Variants in ZNF676 observed in about 807,000 individuals in gnomAD.
ZNF676 encodes zinc finger protein 676.
In ZNF676, 4 loss-of-function variants were observed where a neutral mutation model predicts 6.0. The ratio of observed to expected loss-of-function variants is 0.67; its 90% CI spans 0.33 to 1.53. The LOEUF is 1.53. Ranked by LOEUF, ZNF676 falls within the 40% of genes most tolerant of loss-of-function variation. The pLI is 0.06. For synonymous variants in ZNF676, 198 were observed against 223.1 expected, an observed-to-expected ratio of 0.89 and a Z score of 1.00; for missense variants, 644 against 679.7, an observed-to-expected ratio of 0.95 and a Z score of 0.58.
chr19:22,230,848 T>G, the ZNF676 span, among the ~76,000 whole-genome samples: 55,264 of 150,996 alleles, frequency 0.37, 10,316 homozygotes, highest in African/African-American at 0.42. Context: ...TTAGGAGAGA[T>G]GGCGTTTCAC....
chr19:22,218,799 A>C (rs1446364389), upstream of ZNF676, among the ~76,000 whole-genome samples: 2 of 152,060 alleles, frequency 1.3e-5, no homozygotes, highest in South Asian at 2.1e-4. Context: ...TGGTTTCACT[A>C]TTCTGTTTCA....
rs139242275 is a variant in ZNF676, at chr19:22,194,379, G to A, written c.35-1268C>T. ...ATGGCTCCTGTGAGATCCACACAAA[G>A]CTTGGGGAATTACCTTAAAGCTTGT... On this transcript the variant is annotated intron_variant, in intron 1 of 2. Coordinates refer to ENST00000397121, the MANE Select transcript of ZNF676 (RefSeq NM_001001411.3). Among the ~76,000 whole-genome samples the A allele has an allele frequency of 1.8e-4, 28 of 152,288 alleles. No individual in the cohort carries two copies. In the East Asian group the frequency reaches 4.4e-3, roughly 24 times the overall value.
chr19:22,180,664 G>A lies in ZNF676; in HGVS notation c.1053C>T (p.Ile351=), dbSNP rs373787022. The A allele has an allele frequency of 4.1e-4, 664 of 1,611,146 alleles. 3 individuals carry two copies. The African/African-American group carries it at 8.3e-3, about 20-fold the overall frequency. Residue 351 remains isoleucine, a synonymous_variant, in exon 3 of 3, where the codon ATC becomes ATT. Coordinates refer to ENST00000397121, the MANE Select transcript of ZNF676 (RefSeq NM_001001411.3). ...TATGAATAATCTTATGTTTAGTAAG[G>A]ATTGAGGATCGATTAAAAGCTTTCC... ...ECGKAFNRSS[I]LTKHKIIHTG... is the part of the protein sequence containing the mutation.
rs140672843 is a variant in ZNF676 at position 22,185,598 on chromosome 19, G to A, written c.131-4012C>T. ...ACAAACTCCTCCAAGCTAAAGGAGCGTGTTCTAACCCAATGCCAGGAAGCT... is the reference window on the plus strand; with the variant it reads ...ACAAACTCCTCCAAGCTAAAGGAGCATGTTCTAACCCAATGCCAGGAAGCT... On this transcript the variant is annotated intron_variant, in intron 2 of 2. Coordinates refer to ENST00000397121, the MANE Select transcript of ZNF676 (RefSeq NM_001001411.3). 5.0e-3 allele frequency among the ~76,000 whole-genome samples: 762 copies of A among 152,104 alleles called. 8 individuals carry two copies. Among genetic ancestry groups the A allele is most frequent in the Middle Eastern group, 0.017 (5 of 294 alleles).
rs1241350945 is a variant in ZNF676 at position 22,181,043 on chromosome 19, T to C, written c.674A>G (p.Tyr225Cys). ...HKVIHTGEKP[Y>C]KCEECGKAFN... ...AGCTTTGCCACATTCTTCACATTTG[T>C]AGGGTTTCTCTCCAGTATGAATTAC... The change falls in exon 3 of 3, where the codon TAC (tyrosine) becomes TGC (cysteine). Residue 225 changes from tyrosine (Y) to cysteine (C), a missense_variant. Around this residue, in one of 5 missense-constraint regions of ZNF676, gnomAD observed 280 missense variants for 269.3 expected, o/e 1.04. Coordinates refer to ENST00000397121, the MANE Select transcript of ZNF676 (RefSeq NM_001001411.3). The C allele has an allele frequency of 3.8e-6, 6 of 1,570,764 alleles. No homozygotes were observed. The Middle Eastern group carries it at 8.6e-4, about 224-fold the overall frequency.
chr19:22,187,598 A>T (rs1464437014), intron 2 of ZNF676, among the ~76,000 whole-genome samples: 3 of 151,934 alleles, frequency 2.0e-5, no homozygotes, highest in Non-Finnish European at 4.4e-5. Context: ...TTTCAAAAAG[A>T]TCAACAAAAT....
chr19:22,180,059 C>A lies in ZNF676; in HGVS notation c.1658G>T (p.Arg553Ile), dbSNP rs201300029. Residue 553 changes from arginine to isoleucine, a missense_variant, in exon 3 of 3, where the codon AGA becomes ATA. Arg to Ile is a moderately conservative substitution (Grantham distance 97, BLOSUM62 -3). Coordinates refer to ENST00000397121, the MANE Select transcript of ZNF676 (RefSeq NM_001001411.3). ...GTAGGGTTTCTCTCCAGTATGAATT[C>A]TCTTGTGTCTAGTAAGGCTTGAGGA... ...SRSSSLTRHKRIHTGEKPYKC... is the reference protein window; with the variant it reads ...SRSSSLTRHKIIHTGEKPYKC... 185 of 1,610,988 alleles carry A rather than the reference C, an allele frequency of 1.1e-4. No individual in the cohort carries two copies. In the African/African-American group the frequency reaches 2.4e-3, roughly 21 times the overall value.
At chr19:22,211,921 A>C (rs1568536262) in intron 1 of ZNF676, among the ~76,000 whole-genome samples, 3 of 152,266 alleles carry the variant, frequency 2.0e-5, no homozygotes, top group African/African-American at 7.2e-5. Flanking sequence ...ACCTGAGGGC[A>C]GGGCGCAGTG....
At chr19:22,248,553 T>G in the ZNF676 span, among the ~76,000 whole-genome samples, 1 of 152,208 alleles carries the variant, frequency 6.6e-6, no homozygotes, top group African/African-American at 2.4e-5. Context: ...CCTTCATGAC[T>G]GAGAAGTCAC....
In ZNF676 at chr19:22,181,417, T is replaced by C. The variant is rs541569625; in HGVS notation, c.300A>G (p.Lys100=). Reference sequence around the variant, plus strand: ...GTGTAGTTGTTAAACTCTGGTTAAGTTTATTATAACCTTCTTTGTGCACGT... The same window carrying C: ...GTGTAGTTGTTAAACTCTGGTTAAGCTTATTATAACCTTCTTTGTGCACGT... ...ECNVHKEGYN[K]LNQSLTTTQS... The change falls in exon 3 of 3, where the codon AAA becomes AAG. Residue 100 remains lysine, a synonymous_variant. Transcript: ENST00000397121. 1.9e-6 allele frequency: 3 copies of C among 1,613,684 alleles called. No homozygotes were observed. The Admixed American group carries it at 5.0e-5, about 27-fold the overall frequency.
chr19:22,197,892 C>A (rs539787188), upstream of ZNF676, among the ~76,000 whole-genome samples: 1 of 152,062 alleles, frequency 6.6e-6, no homozygotes, highest in Non-Finnish European at 1.5e-5. Context: ...TATTGCCCCC[C>A]CTCTGAAAGG....
intron 1 of ZNF676, among the ~76,000 whole-genome samples, chr19:22,195,666 T>C (rs1053247036): frequency 6.6e-6 from 1 of 152,198 alleles, no homozygotes; most frequent in Admixed American, 6.5e-5. Flanking sequence ...TCCATGGTTC[T>C]ATGGTTAGGA....
Position 22,181,589 on chromosome 19 carries a change from G to A in ZNF676, c.131-3C>T, listed in dbSNP as rs745319516. On this transcript the variant is annotated splice_region_variant and splice_polypyrimidine_tract_variant and intron_variant, in intron 2 of 2. Transcript: ENST00000397121. ...TTGGGAAAAATGAGAACATATAACT[G>A]AAAAGAAATAAAAATAACAAATTAA... 7.8e-6 allele frequency: 12 copies of A among 1,528,978 alleles called. No homozygotes were observed. The highest frequency in any genetic ancestry group is 1.0e-5 in the Non-Finnish European group (12 of 1,143,294). The allele number at this position is 1,528,978 out of a possible 1,614,324, so 94.7% of individuals were successfully genotyped here. A position where few individuals can be genotyped will look rare whatever the true frequency, so the allele number is the denominator to read the frequency against.
chr19:22,210,360 T>A (rs948218495), intron 1 of ZNF676, among the ~76,000 whole-genome samples: 8 of 152,092 alleles, frequency 5.3e-5, no homozygotes, highest in African/African-American at 1.9e-4. Flanking sequence ...ACAAACCCCA[T>A]GGGCTCATCT....
At chr19:22,242,818 G>C in the ZNF676 span, among the ~76,000 whole-genome samples, 24 of 149,506 alleles carry the variant, frequency 1.6e-4, no homozygotes, top group Admixed American at 6.6e-4. Flanking sequence ...AACTAGGCTA[G>C]ATTATATGTT....
chr19:22,190,997 AGTCT>A (rs980085874), intron 2 of ZNF676, among the ~76,000 whole-genome samples: 12 of 152,078 alleles, frequency 7.9e-5, no homozygotes, highest in Non-Finnish European at 1.6e-4. Flanking sequence ...ACAGCAAGAA[AGTCT>A]GTCAGTCATC....
the ZNF676 span, among the ~76,000 whole-genome samples, chr19:22,239,197 A>ATT: frequency 0.04 from 5,146 of 129,988 alleles, 415 homozygotes; most frequent in African/African-American, 0.15. Flanking sequence ...CCAACTGTGA[A>ATT]TTTTTTTTTT....
chr19:22,255,507 G>A, the ZNF676 span, among the ~76,000 whole-genome samples: 2 of 152,108 alleles, frequency 1.3e-5, no homozygotes, highest in African/African-American at 2.4e-5. Context: ...AATTTTCTGG[G>A]TTCAGATAGG....
At position 22,190,208 on chromosome 19, in the gene ZNF676, A is replaced by G. The variant is rs1172625311; in HGVS notation, c.130+2808T>C. 2.6e-5 allele frequency among the ~76,000 whole-genome samples: 4 copies of G among 152,232 alleles called. No individual in the cohort carries two copies. The East Asian group carries it at 7.7e-4, about 29-fold the overall frequency. On this transcript the variant is annotated intron_variant, in intron 2 of 2. Coordinates refer to ENST00000397121, the MANE Select transcript of ZNF676 (RefSeq NM_001001411.3). ...ATGCAGCCATAAAAAAAATGAATTC[A>G]CATCCTTTGCAGGGACACGGATGAA...
Sources: allele counts gnomAD v4.1 joint callset (sites outside exome capture counted in the v4.1 genomes callset), GRCh38; gene constraint gnomAD v4.1.1; regional missense constraint gnomAD v4.1.1; transcripts MANE v1.5; gene names NCBI Gene and HGNC (gene_info 2026-07-23, HGNC 2026-07-21).